LIG1: variants seen among roughly 807,000 people sequenced by gnomAD.
LIG1 encodes ligase I, DNA, ATP-dependent.
LIG1 carries 70 observed loss-of-function variants against 115.7 expected under a neutral mutation model. The observed-to-expected ratio is 0.60, with a 90% CI of 0.50 to 0.74. The LOEUF is 0.74. LIG1 is among the 30% of genes least tolerant of loss of function. LIG1 has a pLI of 0.00. For synonymous variants in LIG1, 487 were observed against 495.3 expected (o/e 0.98, Z 0.22); for missense variants, 1,115 against 1,225.6 (o/e 0.91, Z 1.35).
chr19:48,122,665 G>A lies in LIG1; in HGVS notation c.2232+269C>T, dbSNP rs1222700449. Among the ~76,000 whole-genome samples the A allele has an allele frequency of 6.6e-6, 1 of 152,214 alleles. No homozygotes were observed. Among genetic ancestry groups the A allele is most frequent in the Non-Finnish European group, 1.5e-5 (1 of 68,046 alleles). On this transcript the variant is annotated intron_variant, in intron 23 of 27. Coordinates refer to ENST00000263274, the MANE Select transcript of LIG1 (RefSeq NM_000234.3). The surrounding 1 kb of genome is among the most constrained non-coding windows in gnomAD (Gnocchi z 4.3). ...CCAAGAGCCTGGCCCGACACGGGCGGCAGGCTCAGGAGAGAGACACCTCAT... is the reference window on the plus strand; with the variant it reads ...CCAAGAGCCTGGCCCGACACGGGCGACAGGCTCAGGAGAGAGACACCTCAT...
chr19:48,133,833 G>A, intron 17 of LIG1, 148 bp downstream of exon 17: 1 of 699,808 alleles, frequency 1.4e-6, no homozygotes, highest in Non-Finnish European at 2.6e-6. Context: ...AAAAGCAGTG[G>A]GTTTCAGCAC....
chr19:48,154,215 C>A, intron 5 of LIG1: 2 of 499,878 alleles, frequency 4.0e-6, no homozygotes, highest in East Asian at 4.1e-5. Context: ...TAGAAATAAT[C>A]CCCACGAGTA....
intron 1 of LIG1, among the ~76,000 whole-genome samples, chr19:48,167,566 C>A: frequency 6.6e-6 from 1 of 152,118 alleles, no homozygotes; most frequent in East Asian, 1.9e-4. Flanking sequence ...GTGGCTCACG[C>A]CTGTACTCCC....
In LIG1 at chr19:48,121,253, G is replaced by A. The variant is rs371393033; in HGVS notation, c.2302C>T (p.Arg768Trp). The A allele has an allele frequency of 3.9e-5, 63 of 1,613,510 alleles. No homozygotes were observed. In the South Asian group the frequency reaches 4.4e-4, roughly 11 times the overall value. The change falls in exon 24 of 28, where the codon CGG (arginine) becomes TGG (tryptophan). Residue 768 changes from arginine (R) to tryptophan (W), a missense_variant. Coordinates refer to ENST00000263274, the MANE Select transcript of LIG1 (RefSeq NM_000234.3). ...CCGTACCGGCCGGCCCGCTTCCCCC[G>A]GCCCAGGTAGGCGCCGATCACCACC... The part of the protein sequence containing the change: ...DLVVIGAYLG[R>W]GKRAGRYGGF...
At chr19:48,161,561 G>A in intron 3 of LIG1, 54 bp from the exon 4 acceptor site, 3 of 1,594,824 alleles carry the variant, frequency 1.9e-6, no homozygotes, top group Non-Finnish European at 2.6e-6. Context: ...GGCAGAGTGG[G>A]GGCACTGCCC....
chr19:48,148,380 C>A (rs2035256586), intron 9 of LIG1, among the ~76,000 whole-genome samples: 1 of 150,480 alleles, frequency 6.6e-6, no homozygotes, highest in Admixed American at 6.7e-5. Context: ...GATGTGGAGG[C>A]AGAAGAATCG....
intron 21 of LIG1, 117 bp from the exon 22 acceptor site, chr19:48,123,435 G>T: frequency 1.6e-6 from 2 of 1,238,814 alleles, no homozygotes; most frequent in Non-Finnish European, 2.3e-6. Flanking sequence ...AGGGTTCGTG[G>T]AAAGCCTTGA....
At chr19:48,166,457 T>C (rs944555051) in intron 1 of LIG1, among the ~76,000 whole-genome samples, 1 of 152,092 alleles carries the variant, frequency 6.6e-6, no homozygotes, top group African/African-American at 2.4e-5. Flanking sequence ...GTACAGAACA[T>C]CTCAGTTGGA....
intron 17 of LIG1, 64 bp from the exon 18 acceptor site, chr19:48,133,161 G>A (rs932966329): frequency 3.8e-6 from 4 of 1,046,830 alleles, no homozygotes; most frequent in Non-Finnish European, 4.5e-6. Context: ...GGAACATGGA[G>A]AGGAGAACTG....
At position 48,130,321 on chromosome 19, in the gene LIG1, G is replaced by A. The variant is rs3730996; in HGVS notation, c.1821+755C>T. On this transcript the variant is annotated intron_variant, in intron 19 of 27. Transcript: ENST00000263274. ...CAGAATGATGGGCACCGTGCCCCCTGCTTTCTTAAATAACTTATTTCCTAT... is the reference window on the plus strand; with the variant it reads ...CAGAATGATGGGCACCGTGCCCCCTACTTTCTTAAATAACTTATTTCCTAT... 8.3e-3 allele frequency among the ~76,000 whole-genome samples: 1,258 copies of A among 152,302 alleles called. 13 individuals carry two copies. Among genetic ancestry groups the A allele is most frequent in the African/African-American group, 0.029 (1,192 of 41,548 alleles).
chr19:48,167,297 G>C (rs2036534986), intron 1 of LIG1, among the ~76,000 whole-genome samples: 1 of 151,758 alleles, frequency 6.6e-6, no homozygotes, highest in South Asian at 2.1e-4. Context: ...GGACTAGCAG[G>C]ACCTCTGCGT....
Position 48,137,705 on chromosome 19 carries a change from G to A in LIG1, c.1088-17C>T, listed in dbSNP as rs374880551. On this transcript the variant is annotated splice_polypyrimidine_tract_variant and intron_variant, in intron 12 of 27. Coordinates refer to ENST00000263274, the MANE Select transcript of LIG1 (RefSeq NM_000234.3). This position sits in a 1 kb window ranked among gnomAD's most constrained non-coding sequence, Gnocchi z 4.3. The stretch of plus-strand genomic sequence containing the variant: ...GCTGCCGACCTTCAGGGGAGAGCGC[G>A]GGTGGGGGTGTCGAGGGTGACAGTT... 28 of 1,600,624 alleles carry A rather than the reference G, an allele frequency of 1.7e-5. No homozygotes were observed. The highest frequency in any genetic ancestry group is 1.7e-4 in the Middle Eastern group (1 of 6,056).
intron 7 of LIG1, among the ~76,000 whole-genome samples, chr19:48,150,936 A>G (rs1039824515): frequency 1.3e-5 from 2 of 151,972 alleles, no homozygotes; most frequent in African/African-American, 4.8e-5. Context: ...CCTGGGCTCA[A>G]GTAGTCCACC....
chr19:48,164,381 T>C (rs897908437), intron 2 of LIG1, among the ~76,000 whole-genome samples: 2 of 152,148 alleles, frequency 1.3e-5, no homozygotes, highest in African/African-American at 4.8e-5. Context: ...CTCTCTACCA[T>C]CCATTTTTTC....
Position 48,133,164 on chromosome 19 carries a change from G to C in LIG1, c.1610-67C>G, listed in dbSNP as rs987175722. On this transcript the variant is annotated intron_variant, in intron 17 of 27. Transcript: ENST00000263274. ...TGGATTAGAGGGGGAACATGGAGAG[G>C]AGAACTGCTAATGGGCCCCAGGACC... 1.6e-5 allele frequency: 17 copies of C among 1,043,720 alleles called. No individual in the cohort carries two copies. In the Admixed American group the frequency reaches 2.9e-4, roughly 18 times the overall value. 64.7% of individuals were successfully genotyped at this position (1,043,720 alleles called of 1,614,324 possible).
chr19:48,131,978 G>A (rs2034055036), intron 18 of LIG1, among the ~76,000 whole-genome samples: 1 of 133,738 alleles, frequency 7.5e-6, no homozygotes, highest in Admixed American at 8.5e-5. Context: ...CACTCTTATC[G>A]TGGAGGCTGT....
intron 8 of LIG1, 26 bp downstream of exon 8, chr19:48,150,062 A>T: frequency 6.2e-7 from 1 of 1,614,006 alleles, no homozygotes. Context: ...CAACCCCGGG[A>T]GGTGGGGTGA....
intron 16 of LIG1, among the ~76,000 whole-genome samples, chr19:48,135,441 A>G (rs2034317289): frequency 6.6e-6 from 1 of 151,594 alleles, no homozygotes; most frequent in South Asian, 2.1e-4. Flanking sequence ...GTCTTTCTAT[A>G]CCTCTCCTGG....
At chr19:48,154,043 G>T in intron 5 of LIG1, 76 bp from the exon 6 acceptor site, 1 of 1,231,534 alleles carries the variant, frequency 8.1e-7, no homozygotes, top group Non-Finnish European at 1.2e-6. Flanking sequence ...CACACCCACT[G>T]ATGTAGCCTC....
Sources: allele counts gnomAD v4.1 joint callset (sites outside exome capture counted in the v4.1 genomes callset), GRCh38; gene constraint gnomAD v4.1.1; non-coding constraint Gnocchi (gnomAD v3.1); transcripts MANE v1.5; gene names NCBI Gene and HGNC (gene_info 2026-07-23, HGNC 2026-07-21).